Variants in ACKR2 observed in about 807,000 individuals in gnomAD.
The protein encoded by ACKR2 is C-C chemokine receptor D6.
For synonymous variants in ACKR2, 207 were observed against 192.2 expected (o/e 1.08, Z -0.64); for missense variants, 457 against 477.3 (o/e 0.96, Z 0.40).
intron 2 of ACKR2, among the ~76,000 whole-genome samples, chr3:42,823,608 C>A (rs530262116): frequency 4.8e-4 from 73 of 152,164 alleles, no homozygotes; most frequent in Non-Finnish European, 7.9e-4. Context: ...GCTCTCTGCA[C>A]TGTGTGCTCT....
intron 2 of ACKR2, among the ~76,000 whole-genome samples, chr3:42,850,614 C>T (rs185765297): frequency 1.6e-4 from 25 of 152,270 alleles, no homozygotes; most frequent in African/African-American, 5.3e-4. Flanking sequence ...TCCTGGACCA[C>T]AGGTGCTGTC....
At chr3:42,851,489 G>C (rs1701158806) in intron 2 of ACKR2, 1 of 956,784 alleles carries the variant, frequency 1.0e-6, no homozygotes, top group Non-Finnish European at 1.2e-6. Context: ...GTGGGGTGGG[G>C]GTGAGACTTC....
chr3:42,860,168 A>AG (rs2088367933), intron 2 of ACKR2, among the ~76,000 whole-genome samples: 2 of 128,390 alleles, frequency 1.6e-5, no homozygotes, highest in African/African-American at 3.1e-5. Context: ...GGAAAGCAAA[A>AG]AAAAAAAAAA....
chr3:42,867,282 C>A lies in ACKR2; in HGVS notation c.*1625C>A, dbSNP rs180972256. 1 of 167,156 alleles carries A rather than the reference C, an allele frequency of 6.0e-6. No individual in the cohort carries two copies. The highest frequency in any genetic ancestry group is 2.4e-5 in the African/African-American group (1 of 41,574). The allele number at this position is 167,156 out of a possible 1,614,324, so 10.4% of individuals were successfully genotyped here. A position where few individuals can be genotyped will look rare whatever the true frequency, so the allele number is the denominator to read the frequency against. ...TGATTAAAACGGGGAACTTCATTATCATGAGCATGGTTACTGTCTGCATTA... is the reference window on the plus strand; with the variant it reads ...TGATTAAAACGGGGAACTTCATTATAATGAGCATGGTTACTGTCTGCATTA... On this transcript the variant is annotated 3_prime_UTR_variant, in exon 3 of 3. Coordinates refer to ENST00000422265, the MANE Select transcript of ACKR2 (RefSeq NM_001296.5).
intron 1 of ACKR2, 27 bp from the exon 2 acceptor site, chr3:42,819,604 T>C (rs960958837): frequency 9.2e-5 from 14 of 152,432 alleles, no homozygotes; most frequent in African/African-American, 3.4e-4. Context: ...AGAACCTCTA[T>C]TGTGTCCTTC....
chr3:42,809,856 C>T (rs1330291850), intron 1 of ACKR2, among the ~76,000 whole-genome samples: 1 of 149,272 alleles, frequency 6.7e-6, no homozygotes, highest in South Asian at 2.1e-4. Flanking sequence ...AGCTAGACTC[C>T]GTCTCAAAAA....
chr3:42,847,009 T>A (rs1448743836), intron 2 of ACKR2, among the ~76,000 whole-genome samples: 1 of 152,214 alleles, frequency 6.6e-6, no homozygotes, highest in Non-Finnish European at 1.5e-5. Context: ...TGCTATCAAC[T>A]GTGTTTCTGG....
chr3:42,845,420 G>T (rs1310104496), intron 2 of ACKR2, among the ~76,000 whole-genome samples: 1 of 152,126 alleles, frequency 6.6e-6, no homozygotes, highest in Non-Finnish European at 1.5e-5. Context: ...TTGGTGCAGT[G>T]GCATGATCTC....
Position 42,867,034 on chromosome 3 carries a change from G to GGA in ACKR2, c.*1378_*1379insAG, listed in dbSNP as rs2125628080. 1 of 161,038 alleles carries GGA rather than the reference G, an allele frequency of 6.2e-6. No individual in the cohort carries two copies. The highest frequency in any genetic ancestry group is 1.9e-4 in the East Asian group (1 of 5,168). 10.0% of individuals were successfully genotyped at this position (161,038 alleles called of 1,614,324 possible). On this transcript the variant is annotated 3_prime_UTR_variant, in exon 3 of 3. Coordinates refer to ENST00000422265, the MANE Select transcript of ACKR2 (RefSeq NM_001296.5). Reference sequence around the variant, plus strand: ...ACTACAGGAGCACACCACCACACCTGGCTAATTTTTGTATTTTTTGTGGAG... The same window carrying GGA: ...ACTACAGGAGCACACCACCACACCTGGAGCTAATTTTTGTATTTTTTGTGGAG...
intron 1 of ACKR2, among the ~76,000 whole-genome samples, chr3:42,819,353 T>C (rs1408305897): frequency 6.6e-6 from 1 of 152,192 alleles, no homozygotes; most frequent in Admixed American, 6.5e-5. Context: ...CAAAACAACA[T>C]TGATCACTGG....
At chr3:42,855,526 A>G (rs969843320) in intron 2 of ACKR2, among the ~76,000 whole-genome samples, 1 of 152,206 alleles carries the variant, frequency 6.6e-6, no homozygotes, top group African/African-American at 2.4e-5. Flanking sequence ...GTGAAAGATC[A>G]GGGGTAAAGG....
Position 42,865,792 on chromosome 3 carries a change from A to G in ACKR2, c.*135A>G. 1 of 681,240 alleles carries G rather than the reference A, an allele frequency of 1.5e-6. No homozygotes were observed. The highest frequency in any genetic ancestry group is 2.2e-5 in the South Asian group (1 of 45,368). 42.2% of individuals were successfully genotyped at this position (681,240 alleles called of 1,614,324 possible). On this transcript the variant is annotated 3_prime_UTR_variant, in exon 3 of 3. Coordinates refer to ENST00000422265, the MANE Select transcript of ACKR2 (RefSeq NM_001296.5). Reference sequence around the variant, plus strand: ...CAGTTCTCAGTTCTCAGCCATCAGCAGCATTTGCTCGCCCCGCCTTCTTCC... The same window carrying G: ...CAGTTCTCAGTTCTCAGCCATCAGCGGCATTTGCTCGCCCCGCCTTCTTCC...
intron 2 of ACKR2, among the ~76,000 whole-genome samples, chr3:42,857,584 A>G (rs2088335226): frequency 6.6e-6 from 1 of 152,226 alleles, no homozygotes; most frequent in African/African-American, 2.4e-5. Flanking sequence ...AAGATAAGGA[A>G]ACTAAGAGGG....
At chr3:42,822,024 C>T (rs149870076) in intron 2 of ACKR2, among the ~76,000 whole-genome samples, 33 of 152,024 alleles carry the variant, frequency 2.2e-4, no homozygotes, top group African/African-American at 6.7e-4. Context: ...TTCTCTTTCC[C>T]CTGTCAGAAT....
At chr3:42,862,529 C>A (rs1159137036) in intron 2 of ACKR2, among the ~76,000 whole-genome samples, 2 of 152,098 alleles carry the variant, frequency 1.3e-5, no homozygotes, top group Non-Finnish European at 2.9e-5. Context: ...TTATATGGAA[C>A]CAAAAAGAGC....
At chr3:42,843,645 C>G (rs902798402) in intron 2 of ACKR2, among the ~76,000 whole-genome samples, 1 of 152,134 alleles carries the variant, frequency 6.6e-6, no homozygotes, top group African/African-American at 2.4e-5. Context: ...GTTAATTTTG[C>G]TGGGTGGCTA....
At chr3:42,837,444 A>G (rs1700996627) in intron 2 of ACKR2, among the ~76,000 whole-genome samples, 1 of 151,916 alleles carries the variant, frequency 6.6e-6, no homozygotes, top group African/African-American at 2.4e-5. Context: ...CTGTTCTCAA[A>G]CTCCTGGGCT....
At chr3:42,834,899 T>A (rs990525503) in intron 2 of ACKR2, among the ~76,000 whole-genome samples, 1 of 151,330 alleles carries the variant, frequency 6.6e-6, no homozygotes, top group Non-Finnish European at 1.5e-5. Flanking sequence ...TATTATTATT[T>A]TTTGAGACAG....
intron 2 of ACKR2, chr3:42,856,350 G>C: frequency 1.4e-6 from 1 of 702,234 alleles, no homozygotes; most frequent in Non-Finnish European, 2.6e-6. Flanking sequence ...AGGACTCCAG[G>C]GCTCCCTCAG....
Sources: gnomAD v4.1 joint callset for allele counts (sites outside exome capture counted in the v4.1 genomes callset) on GRCh38, gnomAD v4.1.1 for gene constraint, MANE v1.5 for transcripts, NCBI Gene and HGNC (gene_info 2026-07-23, HGNC 2026-07-21) for gene names.